GRIK2: variants seen among roughly 807,000 people sequenced by gnomAD.
The protein encoded by GRIK2 is glutamate ionotropic receptor kainate type subunit 2.
A neutral mutation model predicts 100.3 loss-of-function variants in GRIK2; 32 were observed. That is an observed-to-expected ratio of 0.32 (90% CI 0.24 to 0.43). The LOEUF (loss-of-function observed/expected upper bound fraction) is 0.43. GRIK2 is among the 20% of genes least tolerant of loss of function. The pLI is 1.00. For synonymous variants in GRIK2, 417 were observed against 389.4 expected, an observed-to-expected ratio of 1.07 and a Z score of -0.83; for missense variants, 843 against 1,114.9, an observed-to-expected ratio of 0.76 and a Z score of 3.47.
chr6:101,910,366 A>C (rs2791766), intron 12 of GRIK2, among the ~76,000 whole-genome samples: 128,040 of 150,902 alleles, frequency 0.85, 54,447 homozygotes, highest in East Asian at 0.94. Flanking sequence ...TTTAAATTTG[A>C]GTCAATTGTT....
At chr6:101,949,220 C>G (rs547306427) in intron 14 of GRIK2, among the ~76,000 whole-genome samples, 22 of 151,110 alleles carry the variant, frequency 1.5e-4, no homozygotes, top group South Asian at 6.3e-4. Context: ...TTGTGGGTAC[C>G]AACACTTTTC....
At chr6:101,520,428 A>C (rs2128281215) in intron 2 of GRIK2, among the ~76,000 whole-genome samples, 1 of 151,460 alleles carries the variant, frequency 6.6e-6, no homozygotes, top group African/African-American at 2.4e-5. Flanking sequence ...AATATGTAAT[A>C]TATAAAGAGG....
intron 14 of GRIK2, among the ~76,000 whole-genome samples, chr6:101,943,326 C>T (rs1397112484): frequency 2.0e-5 from 3 of 152,326 alleles, no homozygotes; most frequent in African/African-American, 7.2e-5. Flanking sequence ...TCATGGAAAA[C>T]CTGCAGTAGG....
chr6:101,706,424 C>T (rs1245075855), intron 7 of GRIK2, among the ~76,000 whole-genome samples: 1 of 151,762 alleles, frequency 6.6e-6, no homozygotes, highest in African/African-American at 2.4e-5. Context: ...CTATACTATG[C>T]AAACATTGAT....
intron 16 of GRIK2, among the ~76,000 whole-genome samples, chr6:102,066,344 G>A (rs1334195227): frequency 6.6e-6 from 1 of 151,558 alleles, no homozygotes; most frequent in South Asian, 2.1e-4. Flanking sequence ...GCTTATGTGT[G>A]TACAAGCAGT....
intron 15 of GRIK2, among the ~76,000 whole-genome samples, chr6:102,045,965 T>C (rs1197331166): frequency 6.6e-6 from 1 of 152,104 alleles, no homozygotes; most frequent in Non-Finnish European, 1.5e-5. Flanking sequence ...AGATTCTTTT[T>C]AGCTTTAAGA....
chr6:101,495,073 T>C (rs1753493603), intron 2 of GRIK2, among the ~76,000 whole-genome samples: 1 of 149,904 alleles, frequency 6.7e-6, no homozygotes, highest in African/African-American at 2.4e-5. Context: ...TTTTCCATTA[T>C]ATCAATTATG....
At chr6:101,789,975 A>T (rs1382484670) in intron 7 of GRIK2, among the ~76,000 whole-genome samples, 1 of 152,134 alleles carries the variant, frequency 6.6e-6, no homozygotes, top group Non-Finnish European at 1.5e-5. Context: ...GCAATTGTGA[A>T]TGGGAGTTCA....
At chr6:101,412,911 T>A (rs1436627506) in intron 2 of GRIK2, among the ~76,000 whole-genome samples, 2 of 152,040 alleles carry the variant, frequency 1.3e-5, no homozygotes, top group Non-Finnish European at 2.9e-5. Flanking sequence ...AATTCATTTA[T>A]TTTCTTTAGG....
intron 10 of GRIK2, among the ~76,000 whole-genome samples, chr6:101,826,981 C>G (rs1275636292): frequency 6.6e-6 from 1 of 151,926 alleles, no homozygotes; most frequent in Non-Finnish European, 1.5e-5. Context: ...ATAAGACTCA[C>G]TACAATTTCC....
chr6:102,068,324 A>G (rs1447506188), intron 16 of GRIK2, 23 bp from the exon 17 acceptor site: 4 of 1,562,540 alleles, frequency 2.6e-6, no homozygotes, highest in Non-Finnish European at 3.5e-6. Flanking sequence ...TGTAATATTT[A>G]ATTTTTCTGT....
At chr6:102,045,955 A>AGAT (rs1236327850) in intron 15 of GRIK2, among the ~76,000 whole-genome samples, 1 of 152,062 alleles carries the variant, frequency 6.6e-6, no homozygotes, top group Non-Finnish European at 1.5e-5. Flanking sequence ...TGCATATAAG[A>AGAT]GATTCTTTTT....
intron 7 of GRIK2, among the ~76,000 whole-genome samples, chr6:101,791,159 C>G (rs939731310): frequency 2.0e-5 from 3 of 152,152 alleles, no homozygotes; most frequent in African/African-American, 4.8e-5. Flanking sequence ...AAAAAACCAG[C>G]TCCTGGATTC....
At chr6:102,056,643 T>C (rs1322631396) in intron 16 of GRIK2, among the ~76,000 whole-genome samples, 1 of 151,986 alleles carries the variant, frequency 6.6e-6, no homozygotes, top group African/African-American at 2.4e-5. Context: ...AATAATGCCA[T>C]ACAGGAATAC....
intron 2 of GRIK2, among the ~76,000 whole-genome samples, chr6:101,423,662 T>G (rs1776534340): frequency 6.6e-6 from 1 of 152,208 alleles, no homozygotes; most frequent in Non-Finnish European, 1.5e-5. Context: ...TTGTTATTTT[T>G]GCTATTGAGT....
chr6:101,704,662 C>T (rs1261230063), intron 7 of GRIK2, among the ~76,000 whole-genome samples: 2 of 151,168 alleles, frequency 1.3e-5, no homozygotes, highest in Non-Finnish European at 3.0e-5. Flanking sequence ...TATGTAGCCT[C>T]CTCCCTTCTC....
chr6:102,040,911 C>T (rs906285038), intron 15 of GRIK2, among the ~76,000 whole-genome samples: 5 of 151,548 alleles, frequency 3.3e-5, no homozygotes, highest in African/African-American at 1.2e-4. Context: ...CATTAAAATG[C>T]ATTCTATTTT....
At chr6:101,606,688 T>G (rs1170111439) in intron 2 of GRIK2, among the ~76,000 whole-genome samples, 4 of 151,990 alleles carry the variant, frequency 2.6e-5, no homozygotes, top group Non-Finnish European at 4.4e-5. Context: ...ATAAGTATGG[T>G]ATACTATGCT....
At chr6:101,874,928 G>A (rs914333450) in intron 11 of GRIK2, among the ~76,000 whole-genome samples, 3 of 152,048 alleles carry the variant, frequency 2.0e-5, no homozygotes, top group African/African-American at 7.2e-5. Flanking sequence ...GAATGCTTGT[G>A]ATTTTTGCAC....
Sources: allele counts gnomAD v4.1 joint callset (sites outside exome capture counted in the v4.1 genomes callset), GRCh38; gene constraint gnomAD v4.1.1; transcripts MANE v1.5; gene names NCBI Gene and HGNC (gene_info 2026-07-23, HGNC 2026-07-21).